Variants in FBLN2 observed in about 807,000 individuals in gnomAD.
FBLN2 encodes fibulin 2.
In FBLN2, 81 loss-of-function variants were observed where a neutral mutation model predicts 123.7. The observed-to-expected ratio is 0.65, with a 90% CI of 0.55 to 0.79. The LOEUF (loss-of-function observed/expected upper bound fraction) is 0.79. Among genes scored for constraint, FBLN2 ranks in the 30% least tolerant of loss-of-function variants. The pLI, the probability that FBLN2 is intolerant of heterozygous loss-of-function variation, is 0.00. For synonymous variants in FBLN2, 699 were observed against 701.4 expected, an observed-to-expected ratio of 1.00 and a Z score of 0.05; for missense variants, 1,603 against 1,681.3, an observed-to-expected ratio of 0.95 and a Z score of 0.81.
intron 1 of FBLN2, among the ~76,000 whole-genome samples, chr3:13,568,099 T>C (rs987901576): frequency 6.6e-6 from 1 of 151,774 alleles, no homozygotes; most frequent in Non-Finnish European, 1.5e-5. Context: ...CTTTACGGAG[T>C]CCTCCAGCTT....
intron 1 of FBLN2, among the ~76,000 whole-genome samples, chr3:13,565,958 A>G (rs937674873): frequency 1.3e-5 from 2 of 152,170 alleles, no homozygotes; most frequent in East Asian, 3.8e-4. Flanking sequence ...CCACTATCCT[A>G]GTGTTTGCCT....
chr3:13,600,533 A>G (rs1489043441), intron 2 of FBLN2, among the ~76,000 whole-genome samples: 1 of 152,076 alleles, frequency 6.6e-6, no homozygotes, highest in African/African-American at 2.4e-5. Flanking sequence ...CACCTGTGCA[A>G]CAGACATGGG....
At position 13,549,480 on chromosome 3, in the gene FBLN2, C is replaced by T. The variant is rs1278351221; in HGVS notation, c.-42+272C>T. On this transcript the variant is annotated intron_variant, in intron 1 of 17. Transcript: ENST00000404922. ...GGGGCCAGGGGTCCGCGGGCGGGTT[C>T]CCCCACCCCAGGTCCGCAGCTTCCT... is the stretch of plus-strand genomic sequence containing the variant. Among the ~76,000 whole-genome samples the T allele has an allele frequency of 2.6e-5, 4 of 151,804 alleles. No homozygotes were observed. In the East Asian group the frequency reaches 7.9e-4, roughly 30 times the overall value.
In FBLN2 at chr3:13,618,894, C is replaced by T; in HGVS notation, c.1940-10C>T. 1 of 1,608,022 alleles carries T rather than the reference C, an allele frequency of 6.2e-7. No individual in the cohort carries two copies. Among genetic ancestry groups the T allele is most frequent in the South Asian group, 1.1e-5 (1 of 90,036 alleles). ...TCCCTGCAACCCCCACTCTGCTCTA[C>T]CCATGACAGAGGGTCACCCTCCACA... On this transcript the variant is annotated splice_polypyrimidine_tract_variant and intron_variant, in intron 6 of 17. Transcript: ENST00000404922.
intron 1 of FBLN2, among the ~76,000 whole-genome samples, chr3:13,569,439 C>T (rs989070830): frequency 5.9e-5 from 9 of 151,736 alleles, no homozygotes; most frequent in African/African-American, 2.2e-4. Flanking sequence ...CGGGGCTGTT[C>T]CAGTGGAGAT....
At chr3:13,586,760 C>T (rs887044252) in intron 2 of FBLN2, among the ~76,000 whole-genome samples, 17 of 150,212 alleles carry the variant, frequency 1.1e-4, no homozygotes, top group Admixed American at 9.9e-4. Flanking sequence ...CCGCCTGTCT[C>T]AGCCTCCCAA....
Position 13,614,026 on chromosome 3 carries a change from G to A in FBLN2, c.1591G>A (p.Glu531Lys), listed in dbSNP as rs551629994. Residue 531 changes from glutamate (E) to lysine (K), a missense_variant, in exon 5 of 18, where the codon GAG becomes AAG. By Grantham distance (56) the Glu-to-Lys change is moderately conservative. Coordinates refer to ENST00000404922, the MANE Select transcript of FBLN2 (RefSeq NM_001004019.2). ...TGGCCTGGGCCTCCGCGTGCGGGCC[G>A]AGGGCCAGTCGTGTGAGTCCAATCC... ...CCGLGLRVRA[E>K]GQSCESNPNL... is the part of the protein sequence containing the mutation. 9.9e-6 allele frequency: 16 copies of A among 1,613,348 alleles called. No homozygotes were observed. The highest frequency in any genetic ancestry group is 3.3e-5 in the Admixed American group (2 of 60,022).
At chr3:13,631,945 C>T (rs974568216) in intron 16 of FBLN2, among the ~76,000 whole-genome samples, 14 of 152,110 alleles carry the variant, frequency 9.2e-5, no homozygotes, top group African/African-American at 3.4e-4. Flanking sequence ...GCATTCTCCT[C>T]ATCAGAGCTG....
intron 16 of FBLN2, among the ~76,000 whole-genome samples, chr3:13,631,677 C>A (rs1027680068): frequency 1.3e-5 from 2 of 152,206 alleles, no homozygotes. Context: ...TAGAATCTTC[C>A]AGGCTTGTGC....
chr3:13,617,551 T>TCCA (rs1203251396), intron 5 of FBLN2, among the ~76,000 whole-genome samples: 2 of 145,050 alleles, frequency 1.4e-5, no homozygotes, highest in Non-Finnish European at 1.5e-5. Context: ...CCTTCATTCA[T>TCCA]CCACCCATCC....
At chr3:13,618,566 G>A (rs1273695763) in intron 6 of FBLN2, among the ~76,000 whole-genome samples, 1 of 152,222 alleles carries the variant, frequency 6.6e-6, no homozygotes, top group East Asian at 1.9e-4. Context: ...CCAAAACCCA[G>A]CTATCTCCCC....
intron 8 of FBLN2, 64 bp downstream of exon 8, chr3:13,619,895 A>T: frequency 7.5e-7 from 1 of 1,328,536 alleles, no homozygotes; most frequent in African/African-American, 1.5e-5. Flanking sequence ...GGGGGCCTCC[A>T]GGTGGGGGTG....
intron 2 of FBLN2, among the ~76,000 whole-genome samples, chr3:13,578,102 C>G (rs1375012965): frequency 6.6e-6 from 1 of 152,224 alleles, no homozygotes; most frequent in Admixed American, 6.5e-5. Flanking sequence ...GGACCCAACC[C>G]ATCTTGAGGG....
At chr3:13,616,550 C>T (rs1403216564) in intron 5 of FBLN2, among the ~76,000 whole-genome samples, 1 of 152,190 alleles carries the variant, frequency 6.6e-6, no homozygotes, top group Non-Finnish European at 1.5e-5. Flanking sequence ...CCGGCTGGGA[C>T]TGATTGGGCT....
At chr3:13,567,276 C>T (rs1206033776) in intron 1 of FBLN2, among the ~76,000 whole-genome samples, 1 of 152,204 alleles carries the variant, frequency 6.6e-6, no homozygotes, top group Non-Finnish European at 1.5e-5. Context: ...GGGGTACTGT[C>T]CTCTCAGGAC....
intron 2 of FBLN2, among the ~76,000 whole-genome samples, chr3:13,577,099 T>A (rs1373144062): frequency 6.6e-6 from 1 of 151,898 alleles, no homozygotes; most frequent in Non-Finnish European, 1.5e-5. Flanking sequence ...GGTAGGCACC[T>A]GTAATCCCAG....
At chr3:13,588,117 C>T (rs536621009) in intron 2 of FBLN2, among the ~76,000 whole-genome samples, 4 of 152,232 alleles carry the variant, frequency 2.6e-5, no homozygotes, top group Non-Finnish European at 5.9e-5. Flanking sequence ...ACAGGCGAAC[C>T]ACTTTTTATC....
intron 1 of FBLN2, among the ~76,000 whole-genome samples, chr3:13,551,959 C>G (rs1313601859): frequency 6.6e-6 from 1 of 151,954 alleles, no homozygotes; most frequent in Non-Finnish European, 1.5e-5. Context: ...ATCCTCCAGC[C>G]TCAGCCTCCC....
At chr3:13,627,122 C>T (rs1027838591) in intron 10 of FBLN2, among the ~76,000 whole-genome samples, 5 of 151,892 alleles carry the variant, frequency 3.3e-5, no homozygotes, top group African/African-American at 7.3e-5. Context: ...GGCAGAGTGA[C>T]TGGGGGCTGG....
Sources: gnomAD v4.1 joint callset for allele counts (sites outside exome capture counted in the v4.1 genomes callset) on GRCh38, gnomAD v4.1.1 for gene constraint, MANE v1.5 for transcripts, NCBI Gene and HGNC (gene_info 2026-07-23, HGNC 2026-07-21) for gene names.